Variants in ABCA9 observed in about 807,000 individuals in gnomAD.
ABCA9 encodes the protein ATP binding cassette subfamily A member 9, also known as ATP-binding cassette sub-family A member 9.
A neutral mutation model predicts 205.3 loss-of-function variants in ABCA9; 183 were observed. The observed-to-expected ratio is 0.89, with a 90% confidence interval of 0.79 to 1.01. The LOEUF is 1.01. Ranked by LOEUF, ABCA9 falls within the 50% of genes least tolerant of loss-of-function variation. The probability of loss-of-function intolerance (pLI) is 0.00; values close to 1 mark genes in which losing one functional copy is unlikely to be tolerated. For synonymous variants in ABCA9, 651 were observed against 683.3 expected (o/e 0.95, Z 0.74); for missense variants, 1,805 against 1,912.4 (o/e 0.94, Z 1.05).
intron 6 of ABCA9, among the ~76,000 whole-genome samples, chr17:69,038,986 C>G (rs905001904): frequency 2.6e-5 from 4 of 151,990 alleles, no homozygotes; most frequent in Non-Finnish European, 5.9e-5. Flanking sequence ...GAATAAAATA[C>G]CTAGGAATAC....
chr17:69,046,396 C>A (rs949980920), intron 3 of ABCA9, among the ~76,000 whole-genome samples: 9 of 152,186 alleles, frequency 5.9e-5, no homozygotes, highest in African/African-American at 1.7e-4. Flanking sequence ...AGGTCTAATC[C>A]TTTTTTGCCA....
At chr17:68,980,248 C>T (rs1009275664) in intron 37 of ABCA9, among the ~76,000 whole-genome samples, 2 of 152,030 alleles carry the variant, frequency 1.3e-5, no homozygotes, top group Non-Finnish European at 2.9e-5. Context: ...CCATCTCACA[C>T]CAGTTAGAAT....
At position 69,033,744 on chromosome 17, in the gene ABCA9, A is replaced by C. The variant is rs1168665191; in HGVS notation, c.1258T>G (p.Phe420Val). 2 of 1,608,230 alleles carry C rather than the reference A, an allele frequency of 1.2e-6. No homozygotes were observed. Among genetic ancestry groups the C allele is most frequent in the African/African-American group, 2.7e-5 (2 of 74,836 alleles). ...TACTTACCGGGCAAAATTTTGTCAAAATATAATGTCAATACCAAATACAGA... is the reference window on the plus strand; with the variant it reads ...TACTTACCGGGCAAAATTTTGTCAACATATAATGTCAATACCAAATACAGA... ...TLLYLVLTLY[F>V]DKILPAEYGH... is the part of the protein sequence containing the mutation. Residue 420 changes from phenylalanine to valine, a missense_variant, in exon 9 of 39, where the codon TTT (phenylalanine) becomes GTT (valine). Transcript: ENST00000340001.
At chr17:68,987,944 G>A (rs2144003946) in intron 31 of ABCA9, among the ~76,000 whole-genome samples, 1 of 151,996 alleles carries the variant, frequency 6.6e-6, no homozygotes, top group Non-Finnish European at 1.5e-5. Flanking sequence ...TTGTATTTTT[G>A]GTAGAGATGG....
At chr17:68,997,490 G>A (rs1010068879) in intron 25 of ABCA9, among the ~76,000 whole-genome samples, 2 of 151,158 alleles carry the variant, frequency 1.3e-5, no homozygotes, top group Non-Finnish European at 3.0e-5. Context: ...CAGTGCTTTT[G>A]CAATTTTTCT....
chr17:69,048,316 G>C (rs1431889288), intron 3 of ABCA9, among the ~76,000 whole-genome samples: 2 of 152,172 alleles, frequency 1.3e-5, no homozygotes, highest in Non-Finnish European at 2.9e-5. Context: ...AGATTTTGGA[G>C]CATTTCTGAT....
At chr17:68,998,533 C>G (rs187911870) in intron 25 of ABCA9, among the ~76,000 whole-genome samples, 1 of 152,074 alleles carries the variant, frequency 6.6e-6, no homozygotes, top group African/African-American at 2.4e-5. Flanking sequence ...GAATATTGAT[C>G]ATTCCATAAC....
At chr17:68,997,018 C>A (rs1316949196) in intron 25 of ABCA9, among the ~76,000 whole-genome samples, 1 of 152,232 alleles carries the variant, frequency 6.6e-6, no homozygotes, top group Non-Finnish European at 1.5e-5. Flanking sequence ...GCAACCTCCA[C>A]CTCTCAGGTT....
At position 69,020,520 on chromosome 17, in the gene ABCA9, T is replaced by G. The variant is rs955223831; in HGVS notation, c.2468A>C (p.Glu823Ala). 1 of 1,614,146 alleles carries G rather than the reference T, an allele frequency of 6.2e-7. No individual in the cohort carries two copies. The highest frequency in any genetic ancestry group is 8.5e-7 in the Non-Finnish European group (1 of 1,179,980). ...TTCGTGGAAGGAAGACAAAACTTGT[T>G]CCAGCTCAACAAGGCTTCCTATATC... ...AKDIGSLVEL[E>A]QVLSSFHETR... Residue 823 changes from glutamate (E) to alanine (A), a missense_variant, in exon 19 of 39, where the codon GAA (glutamate) becomes GCA (alanine). Transcript: ENST00000340001.
the ABCA9 span, among the ~76,000 whole-genome samples, chr17:69,078,376 T>C: frequency 3.9e-5 from 6 of 152,094 alleles, no homozygotes; most frequent in Non-Finnish European, 7.4e-5. Context: ...TTTTTGTATT[T>C]TTATTAGAGA....
At chr17:69,070,529 G>A in the ABCA9 span, among the ~76,000 whole-genome samples, 1 of 152,178 alleles carries the variant, frequency 6.6e-6, no homozygotes, top group African/African-American at 2.4e-5. Flanking sequence ...AAGCGTGAGG[G>A]ACTGTGCCTT....
intron 20 of ABCA9, 28 bp from the exon 21 acceptor site, chr17:69,017,817 C>CA: frequency 6.2e-7 from 1 of 1,601,424 alleles, no homozygotes; most frequent in Non-Finnish European, 8.5e-7. Flanking sequence ...TTAAAGGAAG[C>CA]AAAAATGAAA....
chr17:69,044,537 A>G lies in ABCA9; in HGVS notation c.533T>C (p.Phe178Ser). The G allele has an allele frequency of 6.2e-7, 1 of 1,613,258 alleles. No homozygotes were observed. The highest frequency in any genetic ancestry group is 8.5e-7 in the Non-Finnish European group (1 of 1,179,582). The stretch of plus-strand genomic sequence containing the variant: ...ATTAATGGCAGCTTGAAAAGCTACA[A>G]AGCCTTTCTCCCAGAACTCTGAACC... The part of the protein sequence containing the change: ...CEGSEFWEKG[F>S]VAFQAAINAA... Residue 178 changes from phenylalanine to serine, a missense_variant, in exon 5 of 39, where the codon TTT (phenylalanine) becomes TCT (serine). By Grantham distance (155) the Phe-to-Ser change is radical. Transcript: ENST00000340001.
intron 1 of ABCA9, among the ~76,000 whole-genome samples, chr17:69,055,738 G>A (rs1428383109): frequency 2.0e-5 from 3 of 151,996 alleles, no homozygotes; most frequent in Non-Finnish European, 4.4e-5. Flanking sequence ...CACATGGAAC[G>A]CTCACCAAGA....
intron 31 of ABCA9, among the ~76,000 whole-genome samples, chr17:68,987,841 A>G (rs2069295924): frequency 6.6e-6 from 1 of 150,496 alleles, no homozygotes; most frequent in Non-Finnish European, 1.5e-5. Flanking sequence ...GCTCACCGCA[A>G]CCTTGGCCTC....
intron 11 of ABCA9, 145 bp from the exon 12 acceptor site, chr17:69,028,790 C>G (rs770865919): frequency 2.1e-6 from 1 of 477,606 alleles, no homozygotes; most frequent in Non-Finnish European, 3.6e-6. Context: ...TCTTTTAAAA[C>G]TGTATTTCAA....
intron 36 of ABCA9, among the ~76,000 whole-genome samples, chr17:68,983,109 C>T (rs1346617076): frequency 6.6e-6 from 1 of 152,184 alleles, no homozygotes; most frequent in Non-Finnish European, 1.5e-5. Context: ...AATGTAAGTG[C>T]TCTTTGATCA....
chr17:69,026,385 G>A lies in ABCA9; in HGVS notation c.2133C>T (p.Tyr711=). The change falls in exon 16 of 39, where the codon TAC becomes TAT. Residue 711 remains tyrosine (Y), a synonymous_variant. Transcript: ENST00000340001. ...AACATTCAGGGCTGTACCTTAAATG[G>A]TAGCCTATGCCCCATTTCTTCTTAA... The part of the protein sequence containing the change: ...LFLKKKWGIG[Y]HLSLHLNERC... 6.2e-7 allele frequency: 1 copy of A among 1,613,244 alleles called. No homozygotes were observed. Among genetic ancestry groups the A allele is most frequent in the Admixed American group, 1.7e-5 (1 of 59,960 alleles).
rs2144310284 is a variant in ABCA9, at chr17:69,023,424, A to G, written c.2281+790T>C. On this transcript the variant is annotated intron_variant, in intron 17 of 38. Coordinates refer to ENST00000340001, the MANE Select transcript of ABCA9 (RefSeq NM_080283.4). The surrounding 1 kb of genome is among the most constrained non-coding windows in gnomAD (Gnocchi z 4.2). ...ATAACCTGTTAAGGATTATAGAGCT[A>G]ATAATAGCATAGCTGGTGTTTGAAT... Among the ~76,000 whole-genome samples, 1 of 152,336 alleles carries G rather than the reference A, an allele frequency of 6.6e-6. No homozygotes were observed.
Sources: allele counts gnomAD v4.1 joint callset (sites outside exome capture counted in the v4.1 genomes callset), GRCh38; gene constraint gnomAD v4.1.1; non-coding constraint Gnocchi (gnomAD v3.1); transcripts MANE v1.5; gene names NCBI Gene and HGNC (gene_info 2026-07-23, HGNC 2026-07-21).